FRRS1L: variants seen among roughly 807,000 people sequenced by gnomAD.
FRRS1L encodes the protein DOMON domain-containing protein FRRS1L.
FRRS1L carries 22 observed loss-of-function variants against 28.6 expected under a neutral mutation model. The observed-to-expected ratio is 0.77, with a 90% CI of 0.55 to 1.10. FRRS1L has a LOEUF of 1.10. Ranked by LOEUF, FRRS1L falls within the 50% of genes least tolerant of loss-of-function variation. FRRS1L has a pLI of 0.00. For synonymous variants in FRRS1L, 158 were observed against 151.4 expected (o/e 1.04, Z -0.32); for missense variants, 380 against 386.9 (o/e 0.98, Z 0.15).
chr9:109,137,458 G>A lies in FRRS1L; in HGVS notation c.879C>T (p.Pro293=), dbSNP rs551792076. The change falls in exon 5 of 5, where the codon CCC becomes CCT. Residue 293 remains proline, a synonymous_variant. Coordinates refer to ENST00000561981, the MANE Select transcript of FRRS1L (RefSeq NM_014334.4). ...ALTFYLLMGT[P] Reference sequence around the variant, plus strand: ...TCTGTTGGCCCTGCAGCTGTGGTTAGGGGGTTCCCATCAATAGGTAGAAGG... The same window carrying A: ...TCTGTTGGCCCTGCAGCTGTGGTTAAGGGGTTCCCATCAATAGGTAGAAGG... 6.3e-7 allele frequency: 1 copy of A among 1,590,122 alleles called. No individual in the cohort carries two copies. The highest frequency in any genetic ancestry group is 1.3e-5 in the African/African-American group (1 of 74,664).
chr9:109,157,562 T>A (rs1402825260), intron 1 of FRRS1L, among the ~76,000 whole-genome samples: 1 of 151,978 alleles, frequency 6.6e-6, no homozygotes, highest in Non-Finnish European at 1.5e-5. Flanking sequence ...AATTTTTAAA[T>A]TTTTTTGTAG....
chr9:109,143,516 C>T (rs1438939831), intron 3 of FRRS1L, among the ~76,000 whole-genome samples: 2 of 135,196 alleles, frequency 1.5e-5, no homozygotes, highest in East Asian at 2.2e-4. Context: ...AATAATGCAC[C>T]TTTTTTTTTT....
At chr9:109,147,014 G>A (rs775764663) in intron 3 of FRRS1L, 37 bp downstream of exon 3, 7 of 1,597,874 alleles carry the variant, frequency 4.4e-6, no homozygotes, top group African/African-American at 2.7e-5. Flanking sequence ...GCCAACTAAA[G>A]AGAAAAAATC....
At chr9:109,157,229 G>C (rs1434967305) in intron 1 of FRRS1L, among the ~76,000 whole-genome samples, 1 of 152,080 alleles carries the variant, frequency 6.6e-6, no homozygotes, top group Non-Finnish European at 1.5e-5. Context: ...ATCTGTATGA[G>C]GTAGACTGTT....
At chr9:109,154,473 T>C (rs925654238) in intron 1 of FRRS1L, among the ~76,000 whole-genome samples, 1 of 152,202 alleles carries the variant, frequency 6.6e-6, no homozygotes, top group African/African-American at 2.4e-5. Context: ...CTGTAGCTTA[T>C]TAGTACTTAT....
chr9:109,145,077 CG>C (rs1316377559), intron 3 of FRRS1L, among the ~76,000 whole-genome samples: 1 of 152,128 alleles, frequency 6.6e-6, no homozygotes, highest in African/African-American at 2.4e-5. Flanking sequence ...AAGAGAAGGG[CG>C]GGGTGCTCTA....
Position 109,137,380 on chromosome 9 carries a change from C to G in FRRS1L, c.*75G>C. The G allele has an allele frequency of 1.1e-6, 1 of 909,110 alleles. No homozygotes were observed. The allele number at this position is 909,110 out of a possible 1,614,324, so 56.3% of individuals were successfully genotyped here. On this transcript the variant is annotated 3_prime_UTR_variant, in exon 5 of 5. Transcript: ENST00000561981. The stretch of plus-strand genomic sequence containing the variant: ...TTAAATAATTGAAGCTAAAATTATA[C>G]TGGATATTCTTTAAAAAATATATTT...
At position 109,167,035 on chromosome 9, in the gene FRRS1L, G is replaced by A. The variant is rs1161969082; in HGVS notation, c.104C>T (p.Ala35Val). The A allele has an allele frequency of 3.3e-6, 4 of 1,204,604 alleles. No homozygotes were observed. The highest frequency in any genetic ancestry group is 3.6e-5 in the East Asian group (1 of 28,060). 74.6% of individuals were successfully genotyped at this position (1,204,604 alleles called of 1,614,324 possible). The change falls in exon 1 of 5, where the codon GCG becomes GTG. Residue 35 changes from alanine to valine, a missense_variant. Physicochemically the swap from Ala to Val is moderately conservative, Grantham distance 64. Transcript: ENST00000561981. Reference protein sequence around the residue: ...ACAASPADDGAGPGGRGPRGR... With the variant: ...ACAASPADDGVGPGGRGPRGR... ...CCGGGGTCCCCGGCCCCCCGGGCCC[G>A]CACCGTCGTCCGCGGGGCTGGCTGC...
At chr9:109,164,067 G>T (rs925598371) in intron 1 of FRRS1L, among the ~76,000 whole-genome samples, 4 of 152,018 alleles carry the variant, frequency 2.6e-5, no homozygotes, top group Non-Finnish European at 5.9e-5. Context: ...CTCAGCCCCC[G>T]CTTTTAAGGC....
At chr9:109,154,295 GGT>G (rs1831376599) in intron 1 of FRRS1L, among the ~76,000 whole-genome samples, 1 of 152,116 alleles carries the variant, frequency 6.6e-6, no homozygotes, top group Admixed American at 6.6e-5. Context: ...ATGCTATCTT[GGT>G]ACTCCCTTTT....
intron 3 of FRRS1L, among the ~76,000 whole-genome samples, chr9:109,143,607 C>T (rs944531543): frequency 9.3e-4 from 139 of 149,954 alleles, no homozygotes; most frequent in African/African-American, 3.2e-3. Flanking sequence ...CTCCGCCTCT[C>T]GGGTTCAAGC....
chr9:109,161,394 T>C (rs1251766517), intron 1 of FRRS1L, among the ~76,000 whole-genome samples: 1 of 152,216 alleles, frequency 6.6e-6, no homozygotes, highest in Non-Finnish European at 1.5e-5. Context: ...TCAATTCTTC[T>C]CCTTCCTTTT....
intron 1 of FRRS1L, among the ~76,000 whole-genome samples, chr9:109,159,606 C>T (rs1329622821): frequency 6.6e-6 from 1 of 152,168 alleles, no homozygotes; most frequent in Non-Finnish European, 1.5e-5. Flanking sequence ...TGTAGTGAGC[C>T]AAGATCGCGC....
rs1338432821 is a variant in FRRS1L, at chr9:109,137,708, A to T, written c.710-81T>A. The T allele has an allele frequency of 1.9e-5, 17 of 892,964 alleles. 1 individual carries two copies. The highest frequency in any genetic ancestry group is 2.4e-5 in the Non-Finnish European group (15 of 613,316). 55.3% of individuals were successfully genotyped at this position (892,964 alleles called of 1,614,324 possible). ...GGTATAGGCAAACAATGGAAAAATC[A>T]AAAGTCTATTTAGTGTTGAATACGT... On this transcript the variant is annotated intron_variant, in intron 4 of 4. Transcript: ENST00000561981.
At chr9:109,165,447 C>T (rs1462868524) in intron 1 of FRRS1L, among the ~76,000 whole-genome samples, 1 of 152,212 alleles carries the variant, frequency 6.6e-6, no homozygotes, top group Non-Finnish European at 1.5e-5. Context: ...GAACCCGGGT[C>T]CCTGAATGAC....
At chr9:109,147,334 T>C in intron 2 of FRRS1L, 145 bp from the exon 3 acceptor site, 1 of 689,514 alleles carries the variant, frequency 1.5e-6, no homozygotes, top group South Asian at 1.8e-5. Flanking sequence ...AAACACAGTT[T>C]CACTCTCTTA....
rs1271647800 is a variant in FRRS1L at position 109,137,182 on chromosome 9, T to C, written c.*273A>G. 5.0e-6 allele frequency: 1 copy of C among 198,494 alleles called. No individual in the cohort carries two copies. The highest frequency in any genetic ancestry group is 1.0e-5 in the Non-Finnish European group (1 of 98,578). 12.3% of individuals were successfully genotyped at this position (198,494 alleles called of 1,614,324 possible). A position where few individuals can be genotyped will look rare whatever the true frequency, so the allele number is the denominator to read the frequency against. On this transcript the variant is annotated 3_prime_UTR_variant, in exon 5 of 5. Coordinates refer to ENST00000561981, the MANE Select transcript of FRRS1L (RefSeq NM_014334.4). ...AGGAAGATGGCAATCACAATTTTCA[T>C]CAATCCAACTCAGAGATGTTGTGAA...
rs996521337 is a variant in FRRS1L at position 109,133,132 on chromosome 9, T to C, written c.*4323A>G. 2 of 152,202 alleles carry C rather than the reference T, an allele frequency of 1.3e-5. No individual in the cohort carries two copies. The highest frequency in any genetic ancestry group is 2.9e-5 in the Non-Finnish European group (2 of 68,038). The allele number at this position is 152,202 out of a possible 1,614,324, so 9.4% of individuals were successfully genotyped here. ...TTAAATACAGCTTCTGCATTCTATC[T>C]GAAATCATGTTTATATATTCACCTT... On this transcript the variant is annotated 3_prime_UTR_variant, in exon 5 of 5. Transcript: ENST00000561981.
At position 109,133,396 on chromosome 9, in the gene FRRS1L, A is replaced by C. The variant is rs1831077606; in HGVS notation, c.*4059T>G. The C allele has an allele frequency of 6.6e-6, 1 of 152,266 alleles. No individual in the cohort carries two copies. The highest frequency in any genetic ancestry group is 2.4e-5 in the African/African-American group (1 of 41,476). 9.4% of individuals were successfully genotyped at this position (152,266 alleles called of 1,614,324 possible). On this transcript the variant is annotated 3_prime_UTR_variant, in exon 5 of 5. Coordinates refer to ENST00000561981, the MANE Select transcript of FRRS1L (RefSeq NM_014334.4). ...TCCTTTCCTCTAAATATAACTATAA[A>C]AAGTCCTCCAATTAATTGTAAATTA... is the stretch of plus-strand genomic sequence containing the variant.
Sources: gnomAD v4.1 joint callset for allele counts (sites outside exome capture counted in the v4.1 genomes callset) on GRCh38, gnomAD v4.1.1 for gene constraint, MANE v1.5 for transcripts, NCBI Gene and HGNC (gene_info 2026-07-23, HGNC 2026-07-21) for gene names.